The following CSGALNACT1 variants were observed in gnomAD, a reference collection of about 807,000 sequenced individuals.
CSGALNACT1 encodes the protein chondroitin sulfate N-acetylgalactosaminyltransferase 1, also known as beta4GalNAcT-1.
Under a neutral mutation model 51.0 loss-of-function variants are expected in CSGALNACT1, and 52 were observed. The observed-to-expected ratio is 1.02, with a 90% CI of 0.82 to 1.29. CSGALNACT1 has a LOEUF of 1.29. Among genes scored for constraint, CSGALNACT1 ranks in the 50% most tolerant of loss-of-function variants. The probability of loss-of-function intolerance (pLI) is 0.00; values close to 1 mark genes in which losing one functional copy is unlikely to be tolerated. For missense variants in CSGALNACT1, 935 were observed against 679.2 expected, an observed-to-expected ratio of 1.38 and a Z score of -4.19; for synonymous variants, 341 against 254.4, an observed-to-expected ratio of 1.34 and a Z score of -3.24.
At chr8:19,722,020 T>C (rs1361836311) in intron 1 of CSGALNACT1, among the ~76,000 whole-genome samples, 3 of 151,746 alleles carry the variant, frequency 2.0e-5, no homozygotes, top group Non-Finnish European at 4.4e-5. Context: ...AAAAAAGAAA[T>C]TTCATATTGA....
At chr8:19,501,316 G>T (rs1170437434) in intron 4 of CSGALNACT1, among the ~76,000 whole-genome samples, 1 of 151,358 alleles carries the variant, frequency 6.6e-6, no homozygotes, top group Non-Finnish European at 1.5e-5. Flanking sequence ...CTCTTACATG[G>T]GCCTTAATCC....
At chr8:19,756,008 C>G (rs1331746797) in intron 1 of CSGALNACT1, among the ~76,000 whole-genome samples, 1 of 152,100 alleles carries the variant, frequency 6.6e-6, no homozygotes, top group Non-Finnish European at 1.5e-5. Flanking sequence ...AAAACGTGTT[C>G]AAGTCGCCTT....
At chr8:19,588,218 A>G (rs1311988120) in intron 3 of CSGALNACT1, among the ~76,000 whole-genome samples, 1 of 151,576 alleles carries the variant, frequency 6.6e-6, no homozygotes, top group African/African-American at 2.4e-5. Flanking sequence ...CAAAAAAAAG[A>G]AAAAAAAAGA....
intron 1 of CSGALNACT1, among the ~76,000 whole-genome samples, chr8:19,729,672 C>T (rs2063582789): frequency 1.3e-5 from 2 of 152,208 alleles, no homozygotes; most frequent in Admixed American, 6.5e-5. Flanking sequence ...CCTGCACTTC[C>T]TGGCCCAGAA....
chr8:19,416,109 CTTTTTTTTT>C (rs34491658), intron 8 of CSGALNACT1, among the ~76,000 whole-genome samples: 3 of 116,716 alleles, frequency 2.6e-5, no homozygotes, highest in Non-Finnish European at 5.1e-5. Context: ...GAAATGAAAA[CTTTTTTTTT>C]TTTTTTTTTT....
intron 1 of CSGALNACT1, among the ~76,000 whole-genome samples, chr8:19,659,776 C>A (rs1323813691): frequency 6.6e-6 from 1 of 152,184 alleles, no homozygotes; most frequent in African/African-American, 2.4e-5. Flanking sequence ...GCATGCAGCT[C>A]AGAGCACTGT....
chr8:19,616,147 A>G (rs1156928904), intron 1 of CSGALNACT1, among the ~76,000 whole-genome samples: 1 of 152,252 alleles, frequency 6.6e-6, no homozygotes, highest in Non-Finnish European at 1.5e-5. Context: ...CACAAGATGT[A>G]TATAGTAGGA....
At chr8:19,585,166 C>G (rs2046359133) in intron 3 of CSGALNACT1, 1 of 152,248 alleles carries the variant, frequency 6.6e-6, no homozygotes, top group South Asian at 2.1e-4. Flanking sequence ...CTTGGCTCAC[C>G]TTTCCTTTCT....
At chr8:19,459,278 G>A (rs903529451) in intron 4 of CSGALNACT1, among the ~76,000 whole-genome samples, 1 of 151,344 alleles carries the variant, frequency 6.6e-6, no homozygotes, top group African/African-American at 2.4e-5. Flanking sequence ...GGCTACTTGG[G>A]AGGCTGAGGC....
At chr8:19,484,036 GCAGTGGACACTATCCCCCAAA>G (rs1445854384) in intron 4 of CSGALNACT1, among the ~76,000 whole-genome samples, 1 of 152,090 alleles carries the variant, frequency 6.6e-6, no homozygotes, top group Non-Finnish European at 1.5e-5. Flanking sequence ...GCATACCTAG[GCAGTGGACACTATCCCCCAAA>G]CAGCCCTCCC....
intron 3 of CSGALNACT1, among the ~76,000 whole-genome samples, chr8:19,577,919 G>A (rs1187252848): frequency 6.6e-6 from 1 of 152,178 alleles, no homozygotes; most frequent in Non-Finnish European, 1.5e-5. Flanking sequence ...CATCAGTCCA[G>A]CCCTCTGCCA....
At chr8:19,513,085 C>CT (rs2078755490) in intron 3 of CSGALNACT1, among the ~76,000 whole-genome samples, 1 of 152,074 alleles carries the variant, frequency 6.6e-6, no homozygotes, top group Admixed American at 6.6e-5. Flanking sequence ...CTGCCATTGA[C>CT]TCATCACCAT....
At chr8:19,467,182 C>G (rs537946898) in intron 4 of CSGALNACT1, among the ~76,000 whole-genome samples, 1 of 132,184 alleles carries the variant, frequency 7.6e-6, no homozygotes, top group African/African-American at 2.9e-5. Flanking sequence ...TGCAGTGGTG[C>G]GATCTCGGCT....
At chr8:19,545,976 A>G (rs545845167) in intron 3 of CSGALNACT1, among the ~76,000 whole-genome samples, 2 of 151,944 alleles carry the variant, frequency 1.3e-5, no homozygotes, top group East Asian at 1.9e-4. Context: ...CTGCATGTAT[A>G]GTTATAGTGT....
chr8:19,714,991 C>T (rs576336567), intron 1 of CSGALNACT1, among the ~76,000 whole-genome samples: 2 of 152,086 alleles, frequency 1.3e-5, no homozygotes, highest in East Asian at 1.9e-4. Context: ...TGTATTAGTC[C>T]GTTTTTATGC....
intron 2 of CSGALNACT1, among the ~76,000 whole-genome samples, chr8:19,594,385 T>G (rs962924390): frequency 3.3e-5 from 5 of 152,144 alleles, no homozygotes; most frequent in African/African-American, 7.2e-5. Context: ...CACTCAATAC[T>G]AAAAATATGA....
At chr8:19,587,311 G>T (rs776378407) in intron 3 of CSGALNACT1, among the ~76,000 whole-genome samples, 1 of 152,184 alleles carries the variant, frequency 6.6e-6, no homozygotes, top group Non-Finnish European at 1.5e-5. Context: ...CTTAGTCTAC[G>T]ACTGGTAGTG....
chr8:19,407,100 T>C (rs1238156992), intron 9 of CSGALNACT1, among the ~76,000 whole-genome samples: 2 of 152,152 alleles, frequency 1.3e-5, no homozygotes, highest in African/African-American at 4.8e-5. Context: ...ACACCTGCTG[T>C]TAGTTGTTGA....
intron 4 of CSGALNACT1, among the ~76,000 whole-genome samples, chr8:19,461,991 C>T (rs1283652394): frequency 5.3e-5 from 8 of 152,084 alleles, no homozygotes; most frequent in East Asian, 1.9e-4. Flanking sequence ...TGCACAGCAA[C>T]GACATTTGCC....
Sources: allele counts gnomAD v4.1 joint callset (sites outside exome capture counted in the v4.1 genomes callset), GRCh38; gene constraint gnomAD v4.1.1; transcripts MANE v1.5; gene names NCBI Gene and HGNC (gene_info 2026-07-23, HGNC 2026-07-21).